ST6GALNAC5: variants seen among roughly 807,000 people sequenced by gnomAD.
ST6GALNAC5 encodes ST6 N-acetylgalactosaminide alpha-2,6-sialyltransferase 5.
A neutral mutation model predicts 33.6 loss-of-function variants in ST6GALNAC5; 27 were observed. The ratio of observed to expected loss-of-function variants is 0.80; its 90% CI spans 0.59 to 1.11. ST6GALNAC5 has a LOEUF of 1.11. ST6GALNAC5 is among the 50% of genes least tolerant of loss of function. ST6GALNAC5 has a pLI of 0.00. For synonymous variants in ST6GALNAC5, 194 were observed against 171.2 expected, an observed-to-expected ratio of 1.13 and a Z score of -1.04; for missense variants, 428 against 454.0, an observed-to-expected ratio of 0.94 and a Z score of 0.52.
In ST6GALNAC5 at chr1:77,063,179, T is replaced by C. The variant is rs2100485723; in HGVS notation, c.984T>C (p.Asn328=). 2 of 1,613,614 alleles carry C rather than the reference T, an allele frequency of 1.2e-6. No homozygotes were observed. Among genetic ancestry groups the C allele is most frequent in the Non-Finnish European group, 1.7e-6 (2 of 1,179,748 alleles). The change falls in exon 5 of 5, where the codon AAT becomes AAC. Residue 328 remains asparagine, a synonymous_variant. Coordinates refer to ENST00000477717, the MANE Select transcript of ST6GALNAC5 (RefSeq NM_030965.3). Reference sequence around the variant, plus strand: ...GGAAACCAGAATCACTTGCTATAAATCATCCTGAGAATAAACCTGTGTTCT... The same window carrying C: ...GGAAACCAGAATCACTTGCTATAAACCATCCTGAGAATAAACCTGTGTTCT... ...PDWKPESLAI[N]HPENKPVF
intron 2 of ST6GALNAC5, among the ~76,000 whole-genome samples, chr1:76,905,772 T>C (rs555885936): frequency 1.3e-5 from 2 of 152,338 alleles, no homozygotes; most frequent in African/African-American, 4.8e-5. Flanking sequence ...TAGGGTTCCA[T>C]GTATAAACTA....
chr1:76,961,811 G>A (rs1648251404), intron 2 of ST6GALNAC5, among the ~76,000 whole-genome samples: 1 of 152,116 alleles, frequency 6.6e-6, no homozygotes, highest in Admixed American at 6.6e-5. Context: ...GGTATTTCTT[G>A]CAGTTGTAAT....
At chr1:76,898,805 T>C (rs1054830725) in intron 2 of ST6GALNAC5, among the ~76,000 whole-genome samples, 1 of 151,840 alleles carries the variant, frequency 6.6e-6, no homozygotes, top group Non-Finnish European at 1.5e-5. Context: ...AGATTATAGG[T>C]TGGAGGAGCG....
At chr1:76,986,327 A>C (rs980745865) in intron 2 of ST6GALNAC5, among the ~76,000 whole-genome samples, 14 of 152,226 alleles carry the variant, frequency 9.2e-5, no homozygotes, top group African/African-American at 3.4e-4. Context: ...AGAAGAAAAC[A>C]AACAACCCCA....
At position 77,064,052 on chromosome 1, in the gene ST6GALNAC5, A is replaced by C. The variant is rs1248205921; in HGVS notation, c.*846A>C. ...ATGTTATTAAAACAAAAAAATGCTA[A>C]CAAGAGAAATTTAAAGGTAGTTTTC... On this transcript the variant is annotated 3_prime_UTR_variant, in exon 5 of 5. Coordinates refer to ENST00000477717, the MANE Select transcript of ST6GALNAC5 (RefSeq NM_030965.3). 1 of 152,344 alleles carries C rather than the reference A, an allele frequency of 6.6e-6. No individual in the cohort carries two copies. Among genetic ancestry groups the C allele is most frequent in the African/African-American group, 2.4e-5 (1 of 41,460 alleles). 9.4% of individuals were successfully genotyped at this position (152,344 alleles called of 1,614,324 possible).
rs1238504820 is a variant in ST6GALNAC5, at chr1:76,912,798, T to G, written c.261+44056T>G. ...CTGGTAGATCTTCCATCCTTTTATT[T>G]TGAGCCTATGTGTGTCTGCACATGA... On this transcript the variant is annotated intron_variant, in intron 2 of 4. Transcript: ENST00000477717. 2.6e-5 allele frequency among the ~76,000 whole-genome samples: 4 copies of G among 152,330 alleles called. No homozygotes were observed. In the South Asian group the frequency reaches 8.3e-4, roughly 32 times the overall value.
chr1:76,931,943 G>T (rs1158462258), intron 2 of ST6GALNAC5, among the ~76,000 whole-genome samples: 2 of 152,060 alleles, frequency 1.3e-5, no homozygotes, highest in African/African-American at 4.8e-5. Context: ...AGTGATGTCA[G>T]AGATGGAAAG....
chr1:76,946,962 G>A (rs1188323328), intron 2 of ST6GALNAC5, among the ~76,000 whole-genome samples: 1 of 140,082 alleles, frequency 7.1e-6, no homozygotes, highest in Admixed American at 7.2e-5. Context: ...GAAATACTAA[G>A]CGAATGAAAC....
chr1:76,899,231 A>T (rs932101868), intron 2 of ST6GALNAC5, among the ~76,000 whole-genome samples: 2 of 152,044 alleles, frequency 1.3e-5, no homozygotes, highest in African/African-American at 2.4e-5. Flanking sequence ...AACACAGGCT[A>T]AGGGAGAAGA....
intron 2 of ST6GALNAC5, among the ~76,000 whole-genome samples, chr1:76,975,288 G>T (rs1461669614): frequency 6.6e-6 from 1 of 152,058 alleles, no homozygotes; most frequent in Non-Finnish European, 1.5e-5. Context: ...TATAAAGAAT[G>T]GATTTGGATC....
intron 2 of ST6GALNAC5, among the ~76,000 whole-genome samples, chr1:76,883,429 G>A (rs1477244679): frequency 5.9e-5 from 9 of 152,168 alleles, no homozygotes; most frequent in Non-Finnish European, 1.3e-4. Flanking sequence ...TATTTTAATT[G>A]TATGTAGTAT....
intron 2 of ST6GALNAC5, among the ~76,000 whole-genome samples, chr1:76,959,368 T>A (rs1225040983): frequency 6.6e-6 from 1 of 152,206 alleles, no homozygotes; most frequent in Non-Finnish European, 1.5e-5. Flanking sequence ...TTTCTCTCTT[T>A]TTGTGGTTTG....
chr1:76,950,414 G>A (rs1380233541), intron 2 of ST6GALNAC5, among the ~76,000 whole-genome samples: 8 of 152,196 alleles, frequency 5.3e-5, no homozygotes, highest in Admixed American at 3.9e-4. Flanking sequence ...ACTGAGACAC[G>A]TAGAGATGAA....
At chr1:76,898,883 A>G (rs1415644127) in intron 2 of ST6GALNAC5, among the ~76,000 whole-genome samples, 1 of 152,070 alleles carries the variant, frequency 6.6e-6, no homozygotes, top group African/African-American at 2.4e-5. Flanking sequence ...GGGTCTGTAG[A>G]AAAGGTAGAT....
At chr1:76,985,241 G>A (rs545617496) in intron 2 of ST6GALNAC5, among the ~76,000 whole-genome samples, 2 of 152,242 alleles carry the variant, frequency 1.3e-5, no homozygotes, top group African/African-American at 4.8e-5. Flanking sequence ...TTTTGAAGAT[G>A]ACATGATTGT....
chr1:76,880,644 G>A (rs542355049), intron 2 of ST6GALNAC5, among the ~76,000 whole-genome samples: 9 of 152,252 alleles, frequency 5.9e-5, no homozygotes, highest in Admixed American at 3.3e-4. Context: ...AGGCTAGGCC[G>A]GTCTTGCCAG....
At chr1:76,950,370 T>C (rs1317191130) in intron 2 of ST6GALNAC5, among the ~76,000 whole-genome samples, 1 of 152,124 alleles carries the variant, frequency 6.6e-6, no homozygotes, top group African/African-American at 2.4e-5. Flanking sequence ...TTATATGTAA[T>C]ATATATTCTT....
chr1:76,910,191 T>A (rs1447167112), intron 2 of ST6GALNAC5, among the ~76,000 whole-genome samples: 9 of 152,060 alleles, frequency 5.9e-5, no homozygotes, highest in Admixed American at 5.9e-4. Flanking sequence ...TTGTATGGGT[T>A]TGTCTGACAA....
At chr1:76,944,258 A>G (rs1647433870) in intron 2 of ST6GALNAC5, among the ~76,000 whole-genome samples, 1 of 152,256 alleles carries the variant, frequency 6.6e-6, no homozygotes, top group East Asian at 1.9e-4. Flanking sequence ...TAAAGAGAGA[A>G]TAGATGGTTA....
Sources: allele counts gnomAD v4.1 joint callset (sites outside exome capture counted in the v4.1 genomes callset), GRCh38; gene constraint gnomAD v4.1.1; transcripts MANE v1.5; gene names NCBI Gene and HGNC (gene_info 2026-07-23, HGNC 2026-07-21).